Variants in APP observed in about 807,000 individuals in gnomAD.
APP encodes the protein amyloid beta precursor protein.
APP carries 31 observed loss-of-function variants against 101.4 expected under a neutral mutation model. That is an observed-to-expected ratio of 0.31 (90% CI 0.23 to 0.41). The LOEUF (loss-of-function observed/expected upper bound fraction) is 0.41. Among genes scored for constraint, APP ranks in the 10% least tolerant of loss-of-function variants. The pLI, the probability that APP is intolerant of heterozygous loss-of-function variation, is 1.00. For missense variants in APP, 839 were observed against 1,003.7 expected (o/e 0.84, Z 2.22); for synonymous variants, 366 against 364.4 (o/e 1.00, Z -0.05).
chr21:26,126,677 A>C (rs1235267632), intron 1 of APP, among the ~76,000 whole-genome samples: 1 of 152,120 alleles, frequency 6.6e-6, no homozygotes, highest in Non-Finnish European at 1.5e-5. Context: ...TAAACATCCT[A>C]CAATGTACAG....
chr21:26,123,883 A>G (rs1442598709), intron 1 of APP, among the ~76,000 whole-genome samples: 1 of 152,178 alleles, frequency 6.6e-6, no homozygotes, highest in Non-Finnish European at 1.5e-5. Flanking sequence ...GGGTGCAGTT[A>G]GTTGACAGTA....
At chr21:25,894,076 A>G (rs139740955) in intron 16 of APP, among the ~76,000 whole-genome samples, 3 of 152,350 alleles carry the variant, frequency 2.0e-5, no homozygotes, top group East Asian at 3.9e-4. Context: ...CTGGGATGAC[A>G]GCACATCTCT....
At chr21:25,973,114 C>A (rs1049514452) in intron 11 of APP, among the ~76,000 whole-genome samples, 1 of 149,090 alleles carries the variant, frequency 6.7e-6, no homozygotes, top group Non-Finnish European at 1.5e-5. Flanking sequence ...TTGTAACTTA[C>A]AAACCAACAA....
intron 13 of APP, among the ~76,000 whole-genome samples, chr21:25,924,433 A>AG: frequency 1.6e-5 from 2 of 123,126 alleles, no homozygotes; most frequent in Non-Finnish European, 3.6e-5. Flanking sequence ...AAAAAGGAAA[A>AG]AAAAAAAGGT....
intron 16 of APP, 65 bp downstream of exon 16, chr21:25,897,508 A>G (rs2038150131): frequency 8.4e-7 from 1 of 1,194,962 alleles, no homozygotes; most frequent in African/African-American, 1.5e-5. Context: ...CACAGGATGA[A>G]CCAGAGTTAA....
At position 26,170,737 on chromosome 21, in the gene APP, C is replaced by T; in HGVS notation, c.-117G>A. ...CGGGGCCCCCGCGCACGCTCCTCCG[C>T]GTGCTCTCGCCTACCGCTGCCGAGG... On this transcript the variant is annotated 5_prime_UTR_variant, in exon 1 of 18. Coordinates refer to ENST00000346798, the MANE Select transcript of APP (RefSeq NM_000484.4). 7 of 1,105,560 alleles carry T rather than the reference C, an allele frequency of 6.3e-6. No individual in the cohort carries two copies. Among genetic ancestry groups the T allele is most frequent in the Non-Finnish European group, 8.5e-6 (7 of 822,190 alleles). 68.5% of individuals were successfully genotyped at this position (1,105,560 alleles called of 1,614,324 possible).
At chr21:26,045,753 A>G (rs1370502443) in intron 5 of APP, among the ~76,000 whole-genome samples, 1 of 152,234 alleles carries the variant, frequency 6.6e-6, no homozygotes, top group Non-Finnish European at 1.5e-5. Context: ...ACTGGGTTCA[A>G]TACGGAATTG....
chr21:25,964,484 GCTCCTAGTTA>G (rs2041708274), intron 11 of APP, among the ~76,000 whole-genome samples: 1 of 152,068 alleles, frequency 6.6e-6, no homozygotes, highest in Non-Finnish European at 1.5e-5. Flanking sequence ...TAAATCACTT[GCTCCTAGTTA>G]CAGGTTATAA....
At chr21:26,106,899 C>A (rs776191243) in intron 2 of APP, among the ~76,000 whole-genome samples, 11 of 152,186 alleles carry the variant, frequency 7.2e-5, no homozygotes, top group Non-Finnish European at 1.0e-4. Flanking sequence ...CCATGCTATT[C>A]CACAGGGTCA....
chr21:26,075,650 C>A (rs2061485953), intron 3 of APP, among the ~76,000 whole-genome samples: 1 of 152,166 alleles, frequency 6.6e-6, no homozygotes, highest in Admixed American at 6.5e-5. Context: ...TTAGAGGTAA[C>A]TTTAGCCTAT....
chr21:26,079,278 C>A (rs1260223917), intron 3 of APP, among the ~76,000 whole-genome samples: 5 of 152,030 alleles, frequency 3.3e-5, no homozygotes, highest in Non-Finnish European at 7.4e-5. Context: ...TCATCATAAC[C>A]ATTTGTAATC....
intron 6 of APP, chr21:26,009,769 T>C (rs1333304961): frequency 6.6e-6 from 1 of 152,340 alleles, no homozygotes; most frequent in African/African-American, 2.4e-5. Flanking sequence ...TTTGTATTTT[T>C]AGTAGCGAGG....
intron 3 of APP, among the ~76,000 whole-genome samples, chr21:26,062,490 C>A (rs575003583): frequency 6.6e-6 from 1 of 151,824 alleles, no homozygotes; most frequent in African/African-American, 2.4e-5. Flanking sequence ...TGGTGAAACC[C>A]CGTCTCTACT....
intron 6 of APP, among the ~76,000 whole-genome samples, chr21:26,008,961 AG>A (rs34131328): frequency 1 from 152,293 of 152,296 alleles, 76,145 homozygotes; most frequent in Non-Finnish European, 1. Context: ...TACTCAAAAT[AG>A]GATCATGGAC....
intron 11 of APP, among the ~76,000 whole-genome samples, chr21:25,974,697 T>C (rs1048076150): frequency 6.6e-6 from 1 of 152,180 alleles, no homozygotes; most frequent in Non-Finnish European, 1.5e-5. Flanking sequence ...GTCTATGGTA[T>C]TCTGTTACAG....
In APP at chr21:26,000,291, G is replaced by A. The variant is rs968788415; in HGVS notation, c.866-109C>T. ...ATCCTCCCAGTGGCAACCTGGACTG[G>A]TTTATTAGGCAGCATCTACCAAACA... On this transcript the variant is annotated intron_variant, in intron 6 of 17. Coordinates refer to ENST00000346798, the MANE Select transcript of APP (RefSeq NM_000484.4). 4 of 1,372,542 alleles carry A rather than the reference G, an allele frequency of 2.9e-6. No homozygotes were observed. In the Admixed American group the frequency reaches 7.5e-5, roughly 26 times the overall value. The allele number at this position is 1,372,542 out of a possible 1,614,324, so 85.0% of individuals were successfully genotyped here. A position where few individuals can be genotyped will look rare whatever the true frequency, so the allele number is the denominator to read the frequency against.
chr21:25,992,594 C>G (rs764641992), intron 8 of APP, among the ~76,000 whole-genome samples: 2 of 152,144 alleles, frequency 1.3e-5, no homozygotes, highest in Non-Finnish European at 2.9e-5. Context: ...TGCTGAGTTG[C>G]TAAGCAATCC....
At chr21:25,889,345 C>G (rs1222850143) in intron 17 of APP, among the ~76,000 whole-genome samples, 2 of 152,094 alleles carry the variant, frequency 1.3e-5, no homozygotes, top group Non-Finnish European at 2.9e-5. Flanking sequence ...AGGAGAGATG[C>G]CTGGGGAGGA....
chr21:26,027,054 C>T (rs540298433), intron 5 of APP, among the ~76,000 whole-genome samples: 9 of 152,258 alleles, frequency 5.9e-5, no homozygotes, highest in East Asian at 1.9e-4. Flanking sequence ...TCTGTTAAGA[C>T]GGACTTTTTT....
Sources: allele counts gnomAD v4.1 joint callset (sites outside exome capture counted in the v4.1 genomes callset), GRCh38; gene constraint gnomAD v4.1.1; transcripts MANE v1.5; gene names NCBI Gene and HGNC (gene_info 2026-07-23, HGNC 2026-07-21).